The following OPCML variants were observed in gnomAD, a reference collection of about 807,000 sequenced individuals.
OPCML encodes opioid binding protein/cell adhesion molecule like.
In OPCML, 13 loss-of-function variants were observed where a neutral mutation model predicts 37.8. The ratio of observed to expected loss-of-function variants is 0.34; its 90% CI spans 0.22 to 0.55. OPCML has a LOEUF of 0.55. OPCML is among the 20% of genes least tolerant of loss of function. OPCML has a pLI of 0.91. For synonymous variants in OPCML, 176 were observed against 168.8 expected, an observed-to-expected ratio of 1.04 and a Z score of -0.33; for missense variants, 341 against 435.6, an observed-to-expected ratio of 0.78 and a Z score of 1.93.
rs924807547 is a variant in OPCML at position 132,758,711 on chromosome 11, G to A, written c.147-101392C>T. Among the ~76,000 whole-genome samples, 4 of 152,230 alleles carry A rather than the reference G, an allele frequency of 2.6e-5. No individual in the cohort carries two copies. In the East Asian group the frequency reaches 7.7e-4, roughly 29 times the overall value. ...TAAGGAGTTTTTGGGCTTAAACAATGGTGTTTTCTAAATACACAATCATGT... is the reference window on the plus strand; with the variant it reads ...TAAGGAGTTTTTGGGCTTAAACAATAGTGTTTTCTAAATACACAATCATGT... On this transcript the variant is annotated intron_variant, in intron 2 of 7. Transcript: ENST00000524381.
At chr11:132,641,539 T>C (rs1381518692) in intron 3 of OPCML, among the ~76,000 whole-genome samples, 2 of 152,226 alleles carry the variant, frequency 1.3e-5, no homozygotes, top group African/African-American at 4.8e-5. Context: ...CTGGCCTTAA[T>C]TGCATTTTCC....
intron 1 of OPCML, among the ~76,000 whole-genome samples, chr11:132,951,182 C>G (rs1945850778): frequency 6.6e-6 from 1 of 152,202 alleles, no homozygotes; most frequent in African/African-American, 2.4e-5. Flanking sequence ...ACCACCGTAG[C>G]AATGAATCTG....
intron 2 of OPCML, among the ~76,000 whole-genome samples, chr11:132,794,658 T>A (rs536539655): frequency 4.7e-4 from 71 of 152,254 alleles, no homozygotes; most frequent in African/African-American, 1.5e-3. Flanking sequence ...ACATCCAGGC[T>A]CTTCCCAGAA....
At chr11:132,599,015 C>T (rs1937640579) in intron 3 of OPCML, among the ~76,000 whole-genome samples, 2 of 152,166 alleles carry the variant, frequency 1.3e-5, no homozygotes. Flanking sequence ...TGCAGTGGTT[C>T]ATGCCTGTAA....
At chr11:133,219,354 T>A (rs960815948) in intron 1 of OPCML, among the ~76,000 whole-genome samples, 4 of 152,216 alleles carry the variant, frequency 2.6e-5, no homozygotes, top group Admixed American at 1.3e-4. Flanking sequence ...TAACTGTCCT[T>A]TCCAGGACAC....
intron 2 of OPCML, among the ~76,000 whole-genome samples, chr11:132,774,427 G>C (rs1310685952): frequency 6.6e-6 from 1 of 152,070 alleles, no homozygotes; most frequent in Non-Finnish European, 1.5e-5. Flanking sequence ...CGACCAATAA[G>C]AATGGTCAGT....
intron 2 of OPCML, among the ~76,000 whole-genome samples, chr11:132,716,322 T>G (rs1029076842): frequency 6.6e-6 from 1 of 152,208 alleles, no homozygotes; most frequent in Non-Finnish European, 1.5e-5. Flanking sequence ...GCAGCGAAGA[T>G]AGTCCCTGCT....
chr11:132,971,010 C>T (rs1946330520), intron 1 of OPCML, among the ~76,000 whole-genome samples: 1 of 152,146 alleles, frequency 6.6e-6, no homozygotes, highest in Non-Finnish European at 1.5e-5. Context: ...GCTACAGTGG[C>T]AGAGTCTTCA....
chr11:132,699,099 C>T (rs567788038), intron 2 of OPCML, among the ~76,000 whole-genome samples: 1 of 151,642 alleles, frequency 6.6e-6, no homozygotes, highest in South Asian at 2.1e-4. Flanking sequence ...AAATTTATTC[C>T]TAAGGTTTTT....
intron 4 of OPCML, among the ~76,000 whole-genome samples, chr11:132,506,578 G>C (rs1376156548): frequency 6.6e-6 from 1 of 152,124 alleles, no homozygotes; most frequent in Non-Finnish European, 1.5e-5. Flanking sequence ...GAGAAACACA[G>C]TGCCAAGATA....
chr11:132,584,478 CAATG>C (rs1325085395), intron 3 of OPCML, among the ~76,000 whole-genome samples: 1 of 152,046 alleles, frequency 6.6e-6, no homozygotes, highest in Non-Finnish European at 1.5e-5. Flanking sequence ...TTTAAGTGAT[CAATG>C]AGTTAATACT....
rs372388860 is a variant in OPCML, at chr11:132,470,843, G to A, written c.506-33484C>T. Among the ~76,000 whole-genome samples the A allele has an allele frequency of 1.8e-4, 28 of 152,214 alleles. No individual in the cohort carries two copies. The South Asian group carries it at 5.0e-3, about 27-fold the overall frequency. On this transcript the variant is annotated intron_variant, in intron 4 of 7. Coordinates refer to ENST00000524381, the MANE Select transcript of OPCML (RefSeq NM_001012393.5). Reference sequence around the variant, plus strand: ...TGAATTTGTGAGTCAGCATCATATCGCTGATGTGTAAAGCCAGAAGACCAG... The same window carrying A: ...TGAATTTGTGAGTCAGCATCATATCACTGATGTGTAAAGCCAGAAGACCAG...
chr11:132,441,165 G>GTTTTTTGTTTTTTTTT (rs2096031891), intron 4 of OPCML, among the ~76,000 whole-genome samples: 8 of 72,404 alleles, frequency 1.1e-4, no homozygotes, highest in Non-Finnish European at 1.8e-4. Context: ...GGACTTTTTT[G>GTTTTTTGTTTTTTTTT]TTTTTTTTTT....
At chr11:133,025,312 A>G (rs1947530707) in intron 1 of OPCML, 1 of 984,986 alleles carries the variant, frequency 1.0e-6, no homozygotes, top group South Asian at 4.7e-5. Context: ...TTTAATGTTG[A>G]CATTTCTGTG....
Position 133,034,350 on chromosome 11 carries a change from AG to A in OPCML, c.62-91341del, listed in dbSNP as rs1277896129. Among the ~76,000 whole-genome samples, 5 of 111,612 alleles carry A rather than the reference AG, an allele frequency of 4.5e-5. No individual in the cohort carries two copies. The East Asian group carries it at 6.5e-4, about 14-fold the overall frequency. The allele number at this position is 111,612 out of a possible 152,430, so 73.2% of individuals were successfully genotyped here. A position where few individuals can be genotyped will look rare whatever the true frequency, so the allele number is the denominator to read the frequency against. On this transcript the variant is annotated intron_variant, in intron 1 of 7. Transcript: ENST00000524381. ...GTGTGTGTGTGTGTGTGACAGACAG[AG>A]GGAGAGAGAGAGACAGAGGGAATGC...
intron 1 of OPCML, among the ~76,000 whole-genome samples, chr11:133,268,972 T>A (rs2136474812): frequency 6.6e-6 from 1 of 152,306 alleles, no homozygotes; most frequent in African/African-American, 2.4e-5. Flanking sequence ...TATATCATGT[T>A]TTTGCACAAT....
intron 1 of OPCML, among the ~76,000 whole-genome samples, chr11:133,316,054 A>G (rs573226177): frequency 6.6e-6 from 1 of 152,276 alleles, no homozygotes; most frequent in Non-Finnish European, 1.5e-5. Context: ...GAAATGCTAA[A>G]TGAGAAAAAA....
chr11:133,295,785 C>T, intron 1 of OPCML, among the ~76,000 whole-genome samples: 1 of 152,284 alleles, frequency 6.6e-6, no homozygotes, highest in East Asian at 1.9e-4. Flanking sequence ...TAAAGACATA[C>T]AAATAAATTC....
intron 1 of OPCML, among the ~76,000 whole-genome samples, chr11:133,193,500 T>C (rs1289984264): frequency 1.3e-5 from 2 of 152,184 alleles, no homozygotes; most frequent in African/African-American, 2.4e-5. Context: ...CCATTCGAAA[T>C]GCCACAGGAG....
Sources: allele counts gnomAD v4.1 joint callset (sites outside exome capture counted in the v4.1 genomes callset), GRCh38; gene constraint gnomAD v4.1.1; transcripts MANE v1.5; gene names NCBI Gene and HGNC (gene_info 2026-07-23, HGNC 2026-07-21).